The following COBLL1 variants were observed in gnomAD, a reference collection of about 807,000 sequenced individuals.
COBLL1 encodes cordon-bleu protein-like 1.
Under a neutral mutation model 94.8 loss-of-function variants are expected in COBLL1, and 50 were observed. The observed-to-expected ratio is 0.53, with a 90% confidence interval of 0.42 to 0.67. The LOEUF (loss-of-function observed/expected upper bound fraction) is 0.67. Ranked by LOEUF, COBLL1 falls within the 30% of genes least tolerant of loss-of-function variation. The pLI is 0.00. For missense variants in COBLL1, 1,362 were observed against 1,348.7 expected (o/e 1.01, Z -0.15); for synonymous variants, 448 against 473.8 (o/e 0.95, Z 0.71).
At chr2:164,709,877 T>C (rs781251737) in intron 7 of COBLL1, among the ~76,000 whole-genome samples, 1 of 152,136 alleles carries the variant, frequency 6.6e-6, no homozygotes, top group African/African-American at 2.4e-5. Flanking sequence ...AAAATGTAAA[T>C]TTAACAACTG....
intron 7 of COBLL1, among the ~76,000 whole-genome samples, chr2:164,709,554 C>T (rs1287058457): frequency 1.3e-5 from 2 of 152,112 alleles, no homozygotes; most frequent in African/African-American, 4.8e-5. Flanking sequence ...CCCGTCTCTA[C>T]TAAAAATACA....
At chr2:164,805,337 C>CTCTATATATATATATA (rs758137553) in intron 2 of COBLL1, among the ~76,000 whole-genome samples, 4 of 17,052 alleles carry the variant, frequency 2.3e-4, no homozygotes, top group Non-Finnish European at 3.1e-4. Flanking sequence ...CTCTCTCTCT[C>CTCTATATATATATATA]TATATATATA....
chr2:164,765,856 G>A (rs555671885), intron 2 of COBLL1, among the ~76,000 whole-genome samples: 2 of 152,230 alleles, frequency 1.3e-5, no homozygotes, highest in African/African-American at 4.8e-5. Flanking sequence ...AGGGCTATCT[G>A]GAAGATCTCT....
intron 12 of COBLL1, among the ~76,000 whole-genome samples, chr2:164,693,602 G>C (rs949785067): frequency 6.6e-6 from 1 of 152,038 alleles, no homozygotes; most frequent in Non-Finnish European, 1.5e-5. Context: ...CAAACACTAA[G>C]TCAACAACAT....
At chr2:164,827,626 T>C (rs1685495727) in intron 2 of COBLL1, among the ~76,000 whole-genome samples, 1 of 152,154 alleles carries the variant, frequency 6.6e-6, no homozygotes, top group Non-Finnish European at 1.5e-5. Flanking sequence ...CTCTACCAAG[T>C]GAAGTCTGGA....
chr2:164,801,673 T>C (rs181339514), intron 2 of COBLL1, among the ~76,000 whole-genome samples: 1 of 152,246 alleles, frequency 6.6e-6, no homozygotes, highest in Admixed American at 6.5e-5. Context: ...AAAGTCAATT[T>C]TACTGCATGT....
At chr2:164,813,485 T>C (rs549830774) in intron 2 of COBLL1, among the ~76,000 whole-genome samples, 1 of 152,262 alleles carries the variant, frequency 6.6e-6, no homozygotes, top group Non-Finnish European at 1.5e-5. Flanking sequence ...CCAGCTACCA[T>C]CATCCAAATG....
intron 2 of COBLL1, among the ~76,000 whole-genome samples, chr2:164,663,929 C>G (rs1691109235): frequency 6.6e-6 from 1 of 152,172 alleles, no homozygotes; most frequent in Non-Finnish European, 1.5e-5. Flanking sequence ...TATGTACCCT[C>G]TGATCTAAAA....
At chr2:164,791,356 C>CAAAAA (rs1432325286) in intron 2 of COBLL1, among the ~76,000 whole-genome samples, 1 of 151,892 alleles carries the variant, frequency 6.6e-6, no homozygotes, top group African/African-American at 2.4e-5. Context: ...TTAAACAAAA[C>CAAAAA]AAAACAAAAA....
At chr2:164,783,414 GAGA>G (rs1400641026) in intron 2 of COBLL1, among the ~76,000 whole-genome samples, 13 of 151,916 alleles carry the variant, frequency 8.6e-5, no homozygotes, top group Non-Finnish European at 1.9e-4. Flanking sequence ...AGACCCTGTT[GAGA>G]AGAAGAGAAA....
At chr2:164,707,990 G>C (rs1274204121) in intron 7 of COBLL1, among the ~76,000 whole-genome samples, 3 of 152,114 alleles carry the variant, frequency 2.0e-5, no homozygotes, top group African/African-American at 4.8e-5. Flanking sequence ...TTTGCCAACT[G>C]TGTTAGGTAC....
intron 3 of COBLL1, among the ~76,000 whole-genome samples, chr2:164,739,013 CTTCT>C (rs1244631947): frequency 3.3e-5 from 5 of 152,220 alleles, no homozygotes; most frequent in African/African-American, 9.6e-5. Context: ...TTAATTCCTC[CTTCT>C]TTCAGTCCAA....
intron 3 of COBLL1, among the ~76,000 whole-genome samples, chr2:164,731,024 C>G (rs1197816073): frequency 6.6e-6 from 1 of 152,184 alleles, no homozygotes; most frequent in East Asian, 1.9e-4. Context: ...CAAGTGTCAG[C>G]AAACCACAAT....
chr2:164,669,909 G>A (rs764737301), intron 1 of COBLL1, among the ~76,000 whole-genome samples: 7 of 152,070 alleles, frequency 4.6e-5, no homozygotes, highest in East Asian at 1.9e-4. Flanking sequence ...TTGTCTTTTT[G>A]TTGTTGTTGT....
chr2:164,728,173 A>G lies in COBLL1; in HGVS notation c.457T>C (p.Phe153Leu). 6.2e-7 allele frequency: 1 copy of G among 1,612,800 alleles called. No individual in the cohort carries two copies. Among genetic ancestry groups the G allele is most frequent in the Non-Finnish European group, 8.5e-7 (1 of 1,178,950 alleles). The change falls in exon 5 of 14, where the codon TTT (phenylalanine) becomes CTT (leucine). Residue 153 changes from phenylalanine to leucine, a missense_variant. By Grantham distance (22) the Phe-to-Leu change is conservative. Coordinates refer to ENST00000652658, the MANE Select transcript of COBLL1 (RefSeq NM_001365672.2). ...ACTATGGTCTTCTGTGTTTTCTTAAAATTAATCACTACTCTCACAGTTTTC... is the reference window on the plus strand; with the variant it reads ...ACTATGGTCTTCTGTGTTTTCTTAAGATTAATCACTACTCTCACAGTTTTC... ...PEKTVRVVIN[F>L]KKTQKTIVRV...
chr2:164,807,817 CTTATT>C (rs1455078391), intron 2 of COBLL1, among the ~76,000 whole-genome samples: 119 of 148,908 alleles, frequency 8.0e-4, no homozygotes, highest in African/African-American at 2.9e-3. Context: ...TTTATTTTAT[CTTATT>C]TTATTTTATT....
intron 12 of COBLL1, among the ~76,000 whole-genome samples, chr2:164,694,052 T>C (rs1683759854): frequency 6.6e-6 from 1 of 152,154 alleles, no homozygotes. Flanking sequence ...AATTATATAA[T>C]GATGACCTTA....
chr2:164,806,652 A>C (rs1684170557), intron 2 of COBLL1, among the ~76,000 whole-genome samples: 2 of 152,100 alleles, frequency 1.3e-5, no homozygotes, highest in Non-Finnish European at 2.9e-5. Context: ...CATAATTTTC[A>C]TTCTATTATT....
At chr2:164,729,891 A>G (rs1685898243) in intron 4 of COBLL1, 23 bp downstream of exon 4, 3 of 1,587,156 alleles carry the variant, frequency 1.9e-6, no homozygotes. Context: ...ATAAGACATC[A>G]AAATATATAA....
Sources: gnomAD v4.1 joint callset for allele counts (sites outside exome capture counted in the v4.1 genomes callset) on GRCh38, gnomAD v4.1.1 for gene constraint, MANE v1.5 for transcripts, NCBI Gene and HGNC (gene_info 2026-07-23, HGNC 2026-07-21) for gene names.